Variants in HUWE1 observed in about 807,000 individuals in gnomAD.
HUWE1 encodes the protein E3 ubiquitin-protein ligase HUWE1.
Under a neutral mutation model 299.4 loss-of-function variants are expected in HUWE1, and 18 were observed. That is an observed-to-expected ratio of 0.06 (90% CI 0.04 to 0.09). The LOEUF (loss-of-function observed/expected upper bound fraction) is 0.09. HUWE1 is among the 10% of genes least tolerant of loss of function. HUWE1 has a pLI of 1.00. For synonymous variants in HUWE1, 1,317 were observed against 1,286.1 expected, an observed-to-expected ratio of 1.02 and a Z score of -0.51; for missense variants, 1,832 against 3,462.3, an observed-to-expected ratio of 0.53 and a Z score of 11.82.
Position 53,680,137 on chromosome X carries a change from T to C in HUWE1, c.-113A>G, listed in dbSNP as rs1319053954. The C allele has an allele frequency of 3.4e-6, 1 of 295,689 alleles. No individual in the cohort carries two copies. The highest frequency in any genetic ancestry group is 4.8e-5 in the East Asian group (1 of 20,997). 24.4% of individuals were successfully genotyped at this position (295,689 alleles called of 1,213,427 possible). On this transcript the variant is annotated 5_prime_UTR_variant, in exon 3 of 84. Transcript: ENST00000262854. ...CCGAACCTTCCTGACCAAGTTGGCCTGCTGGTTTCTCTGGATCACTAACCC... is the reference window on the plus strand; with the variant it reads ...CCGAACCTTCCTGACCAAGTTGGCCCGCTGGTTTCTCTGGATCACTAACCC...
intron 60 of HUWE1, among the ~76,000 whole-genome samples, chrX:53,555,656 T>C (rs1314313485): frequency 3.0e-5 from 3 of 98,408 alleles, no homozygotes; most frequent in Admixed American, 1.1e-4. Flanking sequence ...TTTTTTTTTT[T>C]CCTGAGACAG....
rs201730836 is a variant in HUWE1 at position 53,547,802 on chromosome X, T to G, written c.10507A>C (p.Thr3503Pro). 1 of 1,196,894 alleles carries G rather than the reference T, an allele frequency of 8.4e-7. No individual in the cohort carries two copies. Among genetic ancestry groups the G allele is most frequent in the Non-Finnish European group, 1.1e-6 (1 of 888,349 alleles). The change falls in exon 68 of 84, where the codon ACA (threonine) becomes CCA (proline). Residue 3503 changes from threonine (T) to proline (P), a missense_variant. Thr to Pro is a conservative substitution (Grantham distance 38). This residue lies in a region of HUWE1 where 119 missense variants were observed against 124.6 expected (regional missense o/e 0.96). Coordinates refer to ENST00000262854, the MANE Select transcript of HUWE1 (RefSeq NM_031407.7). ...TTTTAASTTP[T>P]PPTAPTPVTS... Reference sequence around the variant, plus strand: ...ACAGGGGTGGGTGCAGTAGGGGGTGTGGGCGTGGTGGAGGCGGCAGTGGTG... The same window carrying G: ...ACAGGGGTGGGTGCAGTAGGGGGTGGGGGCGTGGTGGAGGCGGCAGTGGTG...
intron 75 of HUWE1, 133 bp downstream of exon 75, chrX:53,539,524 A>C (rs1402441536): frequency 3.3e-6 from 2 of 602,985 alleles, no homozygotes; most frequent in Non-Finnish European, 2.7e-6. Context: ...GAGAAAAAAC[A>C]CTTCTCTTTT....
At chrX:53,576,818 A>G in intron 44 of HUWE1, 82 bp downstream of exon 44, 4 of 999,457 alleles carry the variant, frequency 4.0e-6, no homozygotes, top group Non-Finnish European at 5.7e-6. Flanking sequence ...AGTGCTCACT[A>G]AGCCATGAGT....
At chrX:53,535,619 A>G (rs782114510) in intron 80 of HUWE1, 118 bp from the exon 81 acceptor site, 2 of 545,190 alleles carry the variant, frequency 3.7e-6, no homozygotes, top group Admixed American at 2.4e-5. Flanking sequence ...AGGCAAGTCC[A>G]TACAAAACAG....
intron 2 of HUWE1, among the ~76,000 whole-genome samples, chrX:53,683,300 C>T (rs1252145076): frequency 9.0e-6 from 1 of 110,947 alleles, no homozygotes; most frequent in Non-Finnish European, 1.9e-5. Flanking sequence ...GAGGAGTACA[C>T]CAGTGACACT....
chrX:53,579,070 T>G (rs1380127511), intron 43 of HUWE1, among the ~76,000 whole-genome samples: 9 of 30,120 alleles, frequency 3.0e-4, no homozygotes, highest in East Asian at 1.0e-3. Flanking sequence ...GGGAGGGAGG[T>G]GGGGGGGTCA....
At chrX:53,612,393 A>G (rs2065536959) in intron 23 of HUWE1, among the ~76,000 whole-genome samples, 1 of 112,123 alleles carries the variant, frequency 8.9e-6, no homozygotes, top group African/African-American at 3.2e-5. Context: ...CTGTGGTAGA[A>G]TATTAATGCT....
rs797045617 is a variant in HUWE1, at chrX:53,628,620, T to A, written c.1115A>T (p.Asp372Val). The change falls in exon 15 of 84, where the codon GAT becomes GTT. Residue 372 changes from aspartate (D) to valine (V), a missense_variant and splice_region_variant. Asp to Val is a radical substitution (Grantham distance 152, BLOSUM62 -3). This residue lies in a region of HUWE1 where 658 missense variants were observed against 1,282.6 expected (regional missense o/e 0.51). Coordinates refer to ENST00000262854, the MANE Select transcript of HUWE1 (RefSeq NM_031407.7). ...LVRNCIQAMI[D>V]PSMDPYPHQF... ...GTGAGGGTATGGATCCATGGAAGGA[T>A]CTACAAGGGAGGTGGGGAGAGGGAG... The A allele has an allele frequency of 3.4e-6, 4 of 1,177,806 alleles. No homozygotes were observed. Among genetic ancestry groups the A allele is most frequent in the Non-Finnish European group, 4.6e-6 (4 of 877,945 alleles).
intron 59 of HUWE1, 69 bp downstream of exon 59, chrX:53,558,586 A>G: frequency 9.7e-7 from 1 of 1,028,102 alleles, no homozygotes; most frequent in Non-Finnish European, 1.4e-6. Context: ...TCCTGGTGCC[A>G]TGTGTATGCC....
rs782455645 is a variant in HUWE1 at position 53,545,106 on chromosome X, T to C, written c.10971A>G (p.Gln3657=). ...EYNLEQQRRA[Q]CETLSPDGLP... ...GGCCATCAGGAGAGAGGGTTTCACA[T>C]TGGGCTCGCCGCTGCTGCTCGAGGT... The change falls in exon 71 of 84, where the codon CAA becomes CAG. Residue 3657 remains glutamine, a synonymous_variant. Coordinates refer to ENST00000262854, the MANE Select transcript of HUWE1 (RefSeq NM_031407.7). 2.1e-5 allele frequency: 26 copies of C among 1,209,898 alleles called. No individual in the cohort carries two copies. The Admixed American group carries it at 2.6e-4, about 12-fold the overall frequency.
At chrX:53,671,556 C>G (rs1458960975) in intron 3 of HUWE1, among the ~76,000 whole-genome samples, 1 of 110,802 alleles carries the variant, frequency 9.0e-6, no homozygotes, top group East Asian at 2.8e-4. Context: ...TTTGGGAGGC[C>G]GAGGCGGGCG....
Position 53,586,856 on chromosome X carries a change from G to A in HUWE1, c.4668C>T (p.Val1556=), listed in dbSNP as rs201036605. The change falls in exon 38 of 84, where the codon GTC becomes GTT. Residue 1556 remains valine, a synonymous_variant. Coordinates refer to ENST00000262854, the MANE Select transcript of HUWE1 (RefSeq NM_031407.7). ...WVVESSGILN[V]LIKLLEVVQP... ...GAACCACTTCCAAGAGTTTGATTAGGACATTAAGGATGCCACTTGATTCAA... is the reference window on the plus strand; with the variant it reads ...GAACCACTTCCAAGAGTTTGATTAGAACATTAAGGATGCCACTTGATTCAA... The A allele has an allele frequency of 9.9e-6, 12 of 1,208,260 alleles. No individual in the cohort carries two copies. In the East Asian group the frequency reaches 3.3e-4, roughly 33 times the overall value.
chrX:53,557,340 A>G, intron 60 of HUWE1, 42 bp downstream of exon 60: 1 of 1,134,927 alleles, frequency 8.8e-7, no homozygotes, highest in Non-Finnish European at 1.2e-6. Flanking sequence ...TAAAGAAGCA[A>G]CCAATTGATT....
At chrX:53,539,603 G>A in intron 75 of HUWE1, 54 bp downstream of exon 75, 1 of 1,150,610 alleles carries the variant, frequency 8.7e-7, no homozygotes, top group Non-Finnish European at 1.2e-6. Context: ...CTGGCAGGAA[G>A]GGCCCCAGAG....
At position 53,536,270 on chromosome X, in the gene HUWE1, T is replaced by C; in HGVS notation, c.12426-18A>G. On this transcript the variant is annotated intron_variant, in intron 79 of 83. Transcript: ENST00000262854. The stretch of plus-strand genomic sequence containing the variant: ...CTGTATATCTAGAAAAACACAATTA[T>C]ACAGGGTCATGGTTTGCGAGTGGGG... The C allele has an allele frequency of 8.7e-7, 1 of 1,152,985 alleles. No homozygotes were observed. Among genetic ancestry groups the C allele is most frequent in the Non-Finnish European group, 1.2e-6 (1 of 842,455 alleles).
At chrX:53,645,733 AAAAATATATATATAT>A (rs1287297918) in intron 6 of HUWE1, among the ~76,000 whole-genome samples, 17 of 19,457 alleles carry the variant, frequency 8.7e-4, no homozygotes, top group East Asian at 6.5e-3. Flanking sequence ...AAAAAAAAAA[AAAAATATATATATAT>A]ATATATATAT....
intron 60 of HUWE1, chrX:53,556,389 T>C: frequency 3.0e-6 from 1 of 337,296 alleles, no homozygotes; most frequent in Middle Eastern, 7.2e-4. Context: ...TGACAGACTC[T>C]TTTAAAGATC....
chrX:53,675,180 GGGT>G (rs2069755004), intron 3 of HUWE1, among the ~76,000 whole-genome samples: 1 of 110,989 alleles, frequency 9.0e-6, no homozygotes, highest in Admixed American at 9.6e-5. Context: ...ATTAAGGGTA[GGGT>G]ATAGGGGAGG....
Sources: gnomAD v4.1 joint callset for allele counts (sites outside exome capture counted in the v4.1 genomes callset) on GRCh38, gnomAD v4.1.1 for gene constraint, gnomAD v4.1.1 regional missense constraint, MANE v1.5 for transcripts, NCBI Gene and HGNC (gene_info 2026-07-23, HGNC 2026-07-21) for gene names.